Variants in PER3 observed in about 807,000 individuals in gnomAD.
PER3 encodes period circadian protein homolog 3.
Under a neutral mutation model 127.2 loss-of-function variants are expected in PER3, and 107 were observed. That is an observed-to-expected ratio of 0.84 (90% CI 0.72 to 0.99). The LOEUF (loss-of-function observed/expected upper bound fraction) is 0.99. Among genes scored for constraint, PER3 ranks in the 50% least tolerant of loss-of-function variants. The pLI is 0.00. For synonymous variants in PER3, 618 were observed against 585.8 expected, an observed-to-expected ratio of 1.05 and a Z score of -0.79; for missense variants, 1,560 against 1,525.8, an observed-to-expected ratio of 1.02 and a Z score of -0.37.
At chr1:7,831,378 A>G (rs529449859) in intron 19 of PER3, among the ~76,000 whole-genome samples, 7 of 152,276 alleles carry the variant, frequency 4.6e-5, no homozygotes, top group African/African-American at 1.2e-4. Context: ...ACTTTTCTAC[A>G]TAGTCTTTAT....
rs1282904905 is a variant in PER3, at chr1:7,808,901, T to G, written c.1145T>G (p.Leu382Arg). 4 of 1,574,490 alleles carry G rather than the reference T, an allele frequency of 2.5e-6. No individual in the cohort carries two copies. In the African/African-American group the frequency reaches 4.0e-5, roughly 16 times the overall value. ...CACTGGGCATTTTCTAGGAGCCCACTAAATGAGGATGTTTTTGCTACCAAA... is the reference window on the plus strand; with the variant it reads ...CACTGGGCATTTTCTAGGAGCCCACGAAATGAGGATGTTTTTGCTACCAAA... ...IGRHKVRTSP[L>R]NEDVFATKIK... Residue 382 changes from leucine to arginine, a missense_variant, in exon 11 of 22, where the codon CTA becomes CGA. This residue lies in a region of PER3 where 1,332 missense variants were observed against 1,223.6 expected (regional missense o/e 1.09). Coordinates refer to ENST00000377532, the MANE Select transcript of PER3 (RefSeq NM_001377275.1).
At chr1:7,832,568 T>C (rs1288373207) in intron 19 of PER3, among the ~76,000 whole-genome samples, 3 of 151,926 alleles carry the variant, frequency 2.0e-5, no homozygotes, top group Non-Finnish European at 4.4e-5. Context: ...AGAGACGGGG[T>C]TTCACCATGT....
chr1:7,808,645 C>T (rs1472852369), intron 10 of PER3, among the ~76,000 whole-genome samples: 1 of 152,142 alleles, frequency 6.6e-6, no homozygotes, highest in African/African-American at 2.4e-5. Flanking sequence ...CAGATTTGTA[C>T]ATATATAGCA....
chr1:7,841,028 G>A (rs1022322688), intron 21 of PER3, among the ~76,000 whole-genome samples: 1 of 152,206 alleles, frequency 6.6e-6, no homozygotes, highest in African/African-American at 2.4e-5. Flanking sequence ...TACCAAGGGT[G>A]TCCAATCTTT....
At chr1:7,800,348 C>G (rs2150665711) in intron 7 of PER3, among the ~76,000 whole-genome samples, 1 of 151,724 alleles carries the variant, frequency 6.6e-6, no homozygotes, top group African/African-American at 2.4e-5. Context: ...CCTGGGATTA[C>G]AGGCGCCCAC....
At chr1:7,841,836 T>C (rs1048265499) in intron 21 of PER3, among the ~76,000 whole-genome samples, 7 of 152,132 alleles carry the variant, frequency 4.6e-5, no homozygotes, top group African/African-American at 9.7e-5. Context: ...AATAGACAGG[T>C]ATATGAAAAA....
At chr1:7,801,904 T>G (rs1198421118) in intron 8 of PER3, among the ~76,000 whole-genome samples, 1 of 152,108 alleles carries the variant, frequency 6.6e-6, no homozygotes, top group East Asian at 1.9e-4. Context: ...ACACCACACA[T>G]AACTGAAAAG....
chr1:7,830,688 C>T (rs966445308), intron 19 of PER3, among the ~76,000 whole-genome samples: 17 of 152,172 alleles, frequency 1.1e-4, no homozygotes, highest in African/African-American at 4.1e-4. Flanking sequence ...ACTTTCTTTA[C>T]ATTGGGATAT....
intron 16 of PER3, among the ~76,000 whole-genome samples, chr1:7,824,283 G>A (rs981377058): frequency 2.6e-5 from 4 of 152,086 alleles, no homozygotes; most frequent in African/African-American, 7.2e-5. Flanking sequence ...AGCAAAAATC[G>A]ACAAAATAGA....
chr1:7,788,265 A>ACCCTCT lies in PER3; in HGVS notation c.592+19_592+20insCCCTCT. 2 of 1,536,134 alleles carry ACCCTCT rather than the reference A, an allele frequency of 1.3e-6. No individual in the cohort carries two copies. Among genetic ancestry groups the ACCCTCT allele is most frequent in the Non-Finnish European group, 1.8e-6 (2 of 1,108,846 alleles). On this transcript the variant is annotated intron_variant, in intron 5 of 21. Coordinates refer to ENST00000377532, the MANE Select transcript of PER3 (RefSeq NM_001377275.1). ...CAAAGAGGTAACAGGACCAATGTTC[A>ACCCTCT]GATGTCTATCTTTCCTCATCAAGAT...
At chr1:7,788,604 A>T (rs2097103286) in intron 5 of PER3, 1 of 207,530 alleles carries the variant, frequency 4.8e-6, no homozygotes, top group African/African-American at 2.3e-5. Flanking sequence ...TACTTTGGAG[A>T]TAAAATTTGG....
intron 10 of PER3, among the ~76,000 whole-genome samples, chr1:7,805,187 G>A (rs1344241842): frequency 2.0e-5 from 3 of 152,118 alleles, no homozygotes; most frequent in Admixed American, 6.6e-5. Context: ...ATTTTTAATT[G>A]AACTCTAGGC....
At chr1:7,838,014 A>T (rs1448052006) in intron 21 of PER3, among the ~76,000 whole-genome samples, 8 of 152,186 alleles carry the variant, frequency 5.3e-5, no homozygotes, top group Non-Finnish European at 1.2e-4. Context: ...ACAGTGAGCT[A>T]TGATCTCGCC....
In PER3 at chr1:7,785,489, C is replaced by T. The variant is rs371831124; in HGVS notation, c.177C>T (p.Val59=). The T allele has an allele frequency of 6.2e-6, 10 of 1,611,924 alleles. No homozygotes were observed. The African/African-American group carries it at 1.3e-4, about 22-fold the overall frequency. The change falls in exon 3 of 22, where the codon GTC becomes GTT. Residue 59 remains valine, a synonymous_variant. Coordinates refer to ENST00000377532, the MANE Select transcript of PER3 (RefSeq NM_001377275.1). Reference sequence around the variant, plus strand: ...TTTCTGAAGAACTTATCATGGTTGTCCAAGAAATGAAAAAATACTTCCCCT... The same window carrying T: ...TTTCTGAAGAACTTATCATGGTTGTTCAAGAAATGAAAAAATACTTCCCCT... ...NRVSEELIMV[V]QEMKKYFPSE...
chr1:7,808,062 G>T (rs531961893), intron 10 of PER3, among the ~76,000 whole-genome samples: 1 of 151,772 alleles, frequency 6.6e-6, no homozygotes, highest in Non-Finnish European at 1.5e-5. Context: ...GCGAAACCCC[G>T]TCTCTACTAA....
intron 13 of PER3, among the ~76,000 whole-genome samples, chr1:7,811,828 CAG>C (rs1323603703): frequency 1.3e-5 from 2 of 152,160 alleles, no homozygotes; most frequent in Non-Finnish European, 2.9e-5. Context: ...ACTCCCCAGA[CAG>C]AGCAAGTCCT....
chr1:7,801,641 T>C (rs938519718), intron 8 of PER3, among the ~76,000 whole-genome samples: 1 of 152,202 alleles, frequency 6.6e-6, no homozygotes, highest in African/African-American at 2.4e-5. Context: ...GGAGAACAGA[T>C]TATTTTTTGT....
At position 7,798,465 on chromosome 1, in the gene PER3, G is replaced by GT. The variant is rs375906585; in HGVS notation, c.645-57dup. On this transcript the variant is annotated intron_variant, in intron 6 of 21. Coordinates refer to ENST00000377532, the MANE Select transcript of PER3 (RefSeq NM_001377275.1). ...CCAATAAAATATTTCTCCCAGCCTTGTTTCGCCATGGGCCAGTAGGGTGCG... is the reference window on the plus strand; with the variant it reads ...CCAATAAAATATTTCTCCCAGCCTTGTTTTCGCCATGGGCCAGTAGGGTGCG... 9.2e-4 allele frequency: 1,216 copies of GT among 1,328,720 alleles called. 9 individuals carry two copies. The African/African-American group carries it at 0.015, about 16-fold the overall frequency. 82.3% of individuals were successfully genotyped at this position (1,328,720 alleles called of 1,614,324 possible).
intron 5 of PER3, among the ~76,000 whole-genome samples, chr1:7,790,600 T>G (rs2097114763): frequency 6.6e-6 from 1 of 152,192 alleles, no homozygotes; most frequent in Admixed American, 6.5e-5. Flanking sequence ...AATGCAATCA[T>G]GCTTTTCCAA....
Sources: allele counts gnomAD v4.1 joint callset (sites outside exome capture counted in the v4.1 genomes callset), GRCh38; gene constraint gnomAD v4.1.1; regional missense constraint gnomAD v4.1.1; transcripts MANE v1.5; gene names NCBI Gene and HGNC (gene_info 2026-07-23, HGNC 2026-07-21).